Variants in BICD1 observed in about 807,000 individuals in gnomAD.
BICD1 encodes protein bicaudal D homolog 1.
A neutral mutation model predicts 92.5 loss-of-function variants in BICD1; 35 were observed. That is an observed-to-expected ratio of 0.38 (90% CI 0.29 to 0.50). BICD1 has a LOEUF of 0.50. Among genes scored for constraint, BICD1 ranks in the 20% least tolerant of loss-of-function variants. The pLI is 0.93. For missense variants in BICD1, 950 were observed against 1,189.8 expected, an observed-to-expected ratio of 0.80 and a Z score of 2.97; for synonymous variants, 429 against 465.1, an observed-to-expected ratio of 0.92 and a Z score of 1.00.
intron 2 of BICD1, among the ~76,000 whole-genome samples, chr12:32,258,373 G>T (rs569209448): frequency 6.6e-6 from 1 of 152,252 alleles, no homozygotes; most frequent in Admixed American, 6.5e-5. Flanking sequence ...CTTTTAATAT[G>T]TGTGTTGGTC....
In BICD1 at chr12:32,210,212, G is replaced by A. The variant is rs910894144; in HGVS notation, c.214-6035G>A. 5.9e-5 allele frequency among the ~76,000 whole-genome samples: 9 copies of A among 152,012 alleles called. No homozygotes were observed. In the South Asian group the frequency reaches 6.2e-4, roughly 11 times the overall value. The stretch of plus-strand genomic sequence containing the variant: ...GTACAGTGCTTTGTAAATACTTGCC[G>A]AGTGAATGAACAACAAATGAATGAA... On this transcript the variant is annotated intron_variant, in intron 1 of 9. Transcript: ENST00000652176.
At position 32,380,806 on chromosome 12, in the gene BICD1, T is replaced by G. The variant is rs1940150407; in HGVS notation, c.*3179T>G. The G allele has an allele frequency of 6.6e-6, 1 of 151,886 alleles. No individual in the cohort carries two copies. The highest frequency in any genetic ancestry group is 2.4e-5 in the African/African-American group (1 of 41,354). The allele number at this position is 151,886 out of a possible 1,614,324, so 9.4% of individuals were successfully genotyped here. A position where few individuals can be genotyped will look rare whatever the true frequency, so the allele number is the denominator to read the frequency against. On this transcript the variant is annotated 3_prime_UTR_variant, in exon 10 of 10. Transcript: ENST00000652176. ...ATACTTTAGTCTAACGAAGAGGAGG[T>G]ACAATAGTAGTCTTCAAGAAAAGAA...
At chr12:32,177,436 T>C (rs12301721) in intron 1 of BICD1, among the ~76,000 whole-genome samples, 10,311 of 150,778 alleles carry the variant, frequency 0.068, 505 homozygotes, top group African/African-American at 0.14. Flanking sequence ...GAGGAGTTTC[T>C]GGGACTTTTT....
At chr12:32,292,162 T>C (rs10771928) in intron 2 of BICD1, among the ~76,000 whole-genome samples, 33,199 of 152,116 alleles carry the variant, frequency 0.22, 4,271 homozygotes, top group African/African-American at 0.35. Context: ...CCATGCTCCC[T>C]CTGGCAGCTC....
At chr12:32,121,376 T>A (rs1942143391) in intron 1 of BICD1, among the ~76,000 whole-genome samples, 1 of 151,580 alleles carries the variant, frequency 6.6e-6, no homozygotes, top group Non-Finnish European at 1.5e-5. Flanking sequence ...GTGGATCACT[T>A]GAGGTCAGGA....
At chr12:32,140,573 C>T (rs943097603) in intron 1 of BICD1, among the ~76,000 whole-genome samples, 1 of 152,136 alleles carries the variant, frequency 6.6e-6, no homozygotes, top group Non-Finnish European at 1.5e-5. Flanking sequence ...CCCCGCCTCC[C>T]GGGTTCAAGC....
chr12:32,233,325 A>T (rs1283197487), intron 2 of BICD1, among the ~76,000 whole-genome samples: 3 of 148,590 alleles, frequency 2.0e-5, no homozygotes, highest in Non-Finnish European at 4.5e-5. Flanking sequence ...CTGTCTTTAA[A>T]AAAAAAAAAA....
At chr12:32,111,086 A>G (rs1404736317) in intron 1 of BICD1, among the ~76,000 whole-genome samples, 3 of 152,258 alleles carry the variant, frequency 2.0e-5, no homozygotes, top group Non-Finnish European at 4.4e-5. Context: ...ATTCAGCATT[A>G]CTGATGGCAT....
chr12:32,293,961 G>A, intron 2 of BICD1, 33 bp from the exon 3 acceptor site: 1 of 1,595,852 alleles, frequency 6.3e-7, no homozygotes. Flanking sequence ...CAATAAGAGA[G>A]TTATATATTG....
intron 4 of BICD1, among the ~76,000 whole-genome samples, chr12:32,311,398 C>G (rs1276627682): frequency 6.6e-6 from 1 of 152,094 alleles, no homozygotes; most frequent in East Asian, 1.9e-4. Context: ...ACTTGGGAGG[C>G]TGAGGCAGGA....
At chr12:32,116,496 CTCTCTCTCTCTCTCTATATATA>C (rs1204889036) in intron 1 of BICD1, among the ~76,000 whole-genome samples, 2 of 67,520 alleles carry the variant, frequency 3.0e-5, no homozygotes, top group African/African-American at 5.8e-5. Flanking sequence ...CTCTCTTTCT[CTCTCTCTCTCTCTCTATATATA>C]TATATATATA....
At chr12:32,329,348 C>T (rs1289264670) in intron 5 of BICD1, among the ~76,000 whole-genome samples, 5 of 152,088 alleles carry the variant, frequency 3.3e-5, no homozygotes, top group African/African-American at 9.7e-5. Context: ...CCGCCCACCT[C>T]GGCCTCCCAA....
chr12:32,199,428 A>C (rs530548749), intron 1 of BICD1, among the ~76,000 whole-genome samples: 1 of 152,234 alleles, frequency 6.6e-6, no homozygotes, highest in East Asian at 1.9e-4. Context: ...GTGTTCCCAG[A>C]CCAAACTGAG....
chr12:32,249,510 A>G (rs1377483388), intron 2 of BICD1, among the ~76,000 whole-genome samples: 1 of 152,118 alleles, frequency 6.6e-6, no homozygotes, highest in Non-Finnish European at 1.5e-5. Context: ...TCTGATTTTC[A>G]TGGAGGAAGG....
At chr12:32,303,629 G>C (rs2136214292) in intron 3 of BICD1, among the ~76,000 whole-genome samples, 1 of 152,298 alleles carries the variant, frequency 6.6e-6, no homozygotes, top group African/African-American at 2.4e-5. Context: ...CCACCGCTTA[G>C]AACATGATCA....
intron 2 of BICD1, among the ~76,000 whole-genome samples, chr12:32,218,423 T>C (rs758341083): frequency 2.6e-5 from 4 of 152,172 alleles, no homozygotes; most frequent in Non-Finnish European, 4.4e-5. Flanking sequence ...CCCAATAATT[T>C]GCATTTCTAA....
intron 2 of BICD1, among the ~76,000 whole-genome samples, chr12:32,236,559 A>G (rs921515536): frequency 6.6e-6 from 1 of 152,138 alleles, no homozygotes; most frequent in African/African-American, 2.4e-5. Flanking sequence ...ATAGCCCTAC[A>G]ATGGCTTCTA....
intron 4 of BICD1, among the ~76,000 whole-genome samples, chr12:32,315,970 T>A (rs907195939): frequency 1.9e-4 from 29 of 152,042 alleles, no homozygotes; most frequent in African/African-American, 7.0e-4. Flanking sequence ...ACCCCGTCTC[T>A]ACTAAAAATA....
chr12:32,198,035 G>A (rs1944775556), intron 1 of BICD1, among the ~76,000 whole-genome samples: 1 of 151,732 alleles, frequency 6.6e-6, no homozygotes, highest in Non-Finnish European at 1.5e-5. Flanking sequence ...GAGAAACCTC[G>A]TCTCTACTAA....
Sources: gnomAD v4.1 joint callset for allele counts (sites outside exome capture counted in the v4.1 genomes callset) on GRCh38, gnomAD v4.1.1 for gene constraint, MANE v1.5 for transcripts, NCBI Gene and HGNC (gene_info 2026-07-23, HGNC 2026-07-21) for gene names.